Variants in NAA25 observed in about 807,000 individuals in gnomAD.
NAA25 encodes N-alpha-acetyltransferase 25, NatB auxiliary subunit.
NAA25 carries 30 observed loss-of-function variants against 132.5 expected under a neutral mutation model. The ratio of observed to expected loss-of-function variants is 0.23; its 90% CI spans 0.17 to 0.31. NAA25 has a LOEUF of 0.31. NAA25 is among the 10% of genes least tolerant of loss of function. The pLI is 1.00. For missense variants in NAA25, 771 were observed against 1,150.4 expected (o/e 0.67, Z 4.77); for synonymous variants, 359 against 401.9 (o/e 0.89, Z 1.28).
chr12:112,038,633 C>T (rs897716324), intron 22 of NAA25, among the ~76,000 whole-genome samples: 1 of 152,082 alleles, frequency 6.6e-6, no homozygotes, highest in East Asian at 1.9e-4. Context: ...GTCCAATCTT[C>T]TGGCTTCCCT....
In NAA25 at chr12:112,029,616, A is replaced by G. The variant is rs1310287527; in HGVS notation, c.2834T>C (p.Val945Ala). 3 of 1,613,876 alleles carry G rather than the reference A, an allele frequency of 1.9e-6. No individual in the cohort carries two copies. The highest frequency in any genetic ancestry group is 2.5e-6 in the Non-Finnish European group (3 of 1,179,940). Residue 945 changes from valine to alanine, a missense_variant, in exon 24 of 24, where the codon GTG (valine) becomes GCG (alanine). Around this residue, in one of 3 missense-constraint regions of NAA25, gnomAD observed 324 missense variants for 400.0 expected, o/e 0.81. Transcript: ENST00000261745. ...RKFSKTVQGKVQSSYLHSLLE... is the reference protein window; with the variant it reads ...RKFSKTVQGKAQSSYLHSLLE... ...AAGTGAGTGCAGATAACTGCTCTGC[A>G]CCTTCCCTTGCACAGTCTTTGAAAA... is the stretch of plus-strand genomic sequence containing the variant.
At chr12:112,093,183 C>G in intron 1 of NAA25, 47 bp from the exon 2 acceptor site, 1 of 1,153,750 alleles carries the variant, frequency 8.7e-7, no homozygotes, top group Non-Finnish European at 1.3e-6. Flanking sequence ...CCTTCAATAA[C>G]AAATATAAAA....
chr12:112,060,973 A>C (rs1165704859), intron 12 of NAA25, among the ~76,000 whole-genome samples: 1 of 152,252 alleles, frequency 6.6e-6, no homozygotes, highest in Non-Finnish European at 1.5e-5. Flanking sequence ...CAGATCAAGA[A>C]GAATACAGAC....
At chr12:112,086,271 G>A (rs1287408641) in intron 4 of NAA25, among the ~76,000 whole-genome samples, 2 of 151,338 alleles carry the variant, frequency 1.3e-5, no homozygotes, top group African/African-American at 4.9e-5. Context: ...CAAGGTGGGT[G>A]GATCACTTGA....
chr12:112,036,755 G>A (rs1292861991), intron 22 of NAA25, among the ~76,000 whole-genome samples: 1 of 151,882 alleles, frequency 6.6e-6, no homozygotes, highest in Non-Finnish European at 1.5e-5. Flanking sequence ...GGCCGAGGGA[G>A]GAGAATCGCT....
At chr12:112,050,293 G>C (rs933820338) in intron 15 of NAA25, among the ~76,000 whole-genome samples, 6 of 152,066 alleles carry the variant, frequency 3.9e-5, no homozygotes, top group African/African-American at 1.4e-4. Context: ...TGGAACTGCA[G>C]GCAAAACTGA....
chr12:112,102,214 A>AT (rs1221345522), intron 1 of NAA25, among the ~76,000 whole-genome samples: 1 of 152,016 alleles, frequency 6.6e-6, no homozygotes, highest in Non-Finnish European at 1.5e-5. Flanking sequence ...TAAAATAAAA[A>AT]TTTAAAAAAC....
intron 1 of NAA25, among the ~76,000 whole-genome samples, chr12:112,103,780 G>A (rs1204342532): frequency 6.6e-6 from 1 of 152,180 alleles, no homozygotes; most frequent in Non-Finnish European, 1.5e-5. Context: ...ATGGCAGGGA[G>A]GGATGGTTTC....
chr12:112,044,011 T>A, intron 17 of NAA25, 143 bp from the exon 18 acceptor site: 1 of 801,202 alleles, frequency 1.2e-6, no homozygotes, highest in Non-Finnish European at 1.9e-6. Context: ...CACTGCAAGC[T>A]CTGCCTCCCA....
At chr12:112,070,694 A>T (rs2078792405) in intron 10 of NAA25, among the ~76,000 whole-genome samples, 1 of 151,956 alleles carries the variant, frequency 6.6e-6, no homozygotes, top group Non-Finnish European at 1.5e-5. Flanking sequence ...CTTGTGTCTC[A>T]GCCTCCCGAG....
intron 23 of NAA25, among the ~76,000 whole-genome samples, chr12:112,031,012 C>T (rs2078142726): frequency 6.6e-6 from 1 of 151,628 alleles, no homozygotes. Flanking sequence ...CTCCTGAGCT[C>T]AAATAATCCT....
chr12:112,034,448 A>C (rs1265466043), intron 22 of NAA25: 1 of 152,252 alleles, frequency 6.6e-6, no homozygotes, highest in Non-Finnish European at 1.5e-5. Context: ...CAACATGGTG[A>C]AATCCCATCT....
intron 11 of NAA25, among the ~76,000 whole-genome samples, chr12:112,067,183 A>G (rs1312064768): frequency 6.6e-6 from 1 of 152,144 alleles, no homozygotes; most frequent in African/African-American, 2.4e-5. Context: ...TGGGCGACAG[A>G]GCGAGAGCAA....
At chr12:112,092,893 G>T (rs2079156876) in intron 2 of NAA25, among the ~76,000 whole-genome samples, 158 bp downstream of exon 2, 1 of 151,904 alleles carries the variant, frequency 6.6e-6, no homozygotes, top group Non-Finnish European at 1.5e-5. Context: ...GGTCAGGCTG[G>T]TCTCAAACTC....
intron 11 of NAA25, among the ~76,000 whole-genome samples, chr12:112,063,304 G>T (rs573435745): frequency 2.0e-5 from 3 of 152,148 alleles, no homozygotes; most frequent in African/African-American, 7.2e-5. Context: ...AGTGCTGATG[G>T]GACTAAAATA....
At chr12:112,057,511 G>C (rs2078564653) in intron 13 of NAA25, among the ~76,000 whole-genome samples, 1 of 152,124 alleles carries the variant, frequency 6.6e-6, no homozygotes, top group Non-Finnish European at 1.5e-5. Context: ...CAAATAACAA[G>C]TTCTCTGATG....
intron 20 of NAA25, 60 bp from the exon 21 acceptor site, chr12:112,040,638 C>A (rs924064691): frequency 1.2e-5 from 10 of 844,984 alleles, no homozygotes; most frequent in Middle Eastern, 3.4e-4. Context: ...TTTTAAGGAA[C>A]ACAACACACA....
intron 23 of NAA25, among the ~76,000 whole-genome samples, chr12:112,032,908 G>A (rs2078168474): frequency 6.6e-6 from 1 of 152,190 alleles, no homozygotes; most frequent in African/African-American, 2.4e-5. Flanking sequence ...TCAGCAGCAG[G>A]TAAATTCTAT....
Position 112,033,254 on chromosome 12 carries a change from T to C in NAA25, c.2775A>G (p.Leu925=). Residue 925 remains leucine (L), a synonymous_variant, in exon 23 of 24, where the codon TTA becomes TTG. Transcript: ENST00000261745. ...LIALKLEELI[L]EDTSLSPEER... is the part of the protein sequence containing the mutation. ...TTACCGGTGAGAGAGAAGTGTCTTC[T>C]AAAATAAGTTCTTCAAGTTTAAGTG... The C allele has an allele frequency of 5.0e-6, 8 of 1,608,300 alleles. No homozygotes were observed. Among genetic ancestry groups the C allele is most frequent in the Non-Finnish European group, 6.8e-6 (8 of 1,178,008 alleles).
Sources: allele counts gnomAD v4.1 joint callset (sites outside exome capture counted in the v4.1 genomes callset), GRCh38; gene constraint gnomAD v4.1.1; regional missense constraint gnomAD v4.1.1; transcripts MANE v1.5; gene names NCBI Gene and HGNC (gene_info 2026-07-23, HGNC 2026-07-21).